CHD9: variants seen among roughly 807,000 people sequenced by gnomAD.
The protein encoded by CHD9 is chromodomain helicase DNA binding protein 9, also known as ATP-dependent chromatin remodeler CHD9.
A neutral mutation model predicts 316.1 loss-of-function variants in CHD9; 77 were observed. The ratio of observed to expected loss-of-function variants is 0.24; its 90% confidence interval spans 0.20 to 0.29. The LOEUF is 0.29. Ranked by LOEUF, CHD9 falls within the 10% of genes least tolerant of loss-of-function variation. The pLI, the probability that CHD9 is intolerant of heterozygous loss-of-function variation, is 1.00. For missense variants in CHD9, 2,763 were observed against 3,438.1 expected (o/e 0.80, Z 4.91); for synonymous variants, 1,129 against 1,158.3 (o/e 0.97, Z 0.51).
intron 2 of CHD9, among the ~76,000 whole-genome samples, chr16:53,202,489 T>C (rs1053808271): frequency 1.4e-4 from 21 of 152,122 alleles, no homozygotes; most frequent in African/African-American, 4.6e-4. Context: ...ACAGTTTCTT[T>C]GTTGAAGAAA....
chr16:53,259,008 C>T (rs988258834), intron 19 of CHD9, among the ~76,000 whole-genome samples: 6 of 152,070 alleles, frequency 3.9e-5, no homozygotes, highest in Non-Finnish European at 8.8e-5. Context: ...AGATGGATTT[C>T]GCAATTTAAA....
intron 2 of CHD9, among the ~76,000 whole-genome samples, chr16:53,166,722 A>G (rs781213253): frequency 3.3e-5 from 5 of 152,204 alleles, no homozygotes; most frequent in African/African-American, 4.8e-5. Context: ...GTTAGGAAGC[A>G]TGGACTGCAG....
intron 19 of CHD9, among the ~76,000 whole-genome samples, chr16:53,259,176 G>A (rs537548050): frequency 1.3e-5 from 2 of 152,254 alleles, no homozygotes; most frequent in South Asian, 2.1e-4. Context: ...TGAGAATCAT[G>A]TAAGCTATCT....
chr16:53,184,881 T>G (rs2043851190), intron 2 of CHD9, among the ~76,000 whole-genome samples: 2 of 152,146 alleles, frequency 1.3e-5, no homozygotes, highest in African/African-American at 4.8e-5. Context: ...GCTTCCCCCT[T>G]TGCTTGGCTG....
intron 1 of CHD9, among the ~76,000 whole-genome samples, chr16:53,134,553 C>T (rs1013933684): frequency 6.6e-6 from 1 of 152,124 alleles, no homozygotes; most frequent in Non-Finnish European, 1.5e-5. Flanking sequence ...GTATCTTGTC[C>T]TTGTAGCCCT....
intron 1 of CHD9, among the ~76,000 whole-genome samples, chr16:53,081,593 C>CT (rs932986508): frequency 1.3e-5 from 2 of 152,128 alleles, no homozygotes; most frequent in African/African-American, 4.8e-5. Context: ...AGCAGGTGCT[C>CT]TTTTTTCCCC....
chr16:53,287,438 G>A (rs910705772), intron 26 of CHD9, among the ~76,000 whole-genome samples: 2 of 152,190 alleles, frequency 1.3e-5, no homozygotes, highest in African/African-American at 4.8e-5. Flanking sequence ...ATTTAAAAGC[G>A]AACTCGCGGC....
Position 53,274,302 on chromosome 16 carries a change from G to C in CHD9, c.4967G>C (p.Ser1656Thr), listed in dbSNP as rs1336077070. 2 of 1,558,022 alleles carry C rather than the reference G, an allele frequency of 1.3e-6. No homozygotes were observed. Among genetic ancestry groups the C allele is most frequent in the Non-Finnish European group, 1.7e-6 (2 of 1,148,302 alleles). ...CQKVFDGVDA[S>T]DIDVWVPEPD... Reference sequence around the variant, plus strand: ...AAAGTATTTGATGGAGTTGATGCAAGGTAAGTTAAACAATTTTTATTATTT... The same window carrying C: ...AAAGTATTTGATGGAGTTGATGCAACGTAAGTTAAACAATTTTTATTATTT... The change falls in exon 24 of 39, where the codon AGT (serine) becomes ACT (threonine). Residue 1656 changes from serine to threonine, a missense_variant and splice_region_variant. By Grantham distance (58) the Ser-to-Thr change is moderately conservative. This residue lies in a region of CHD9 where 40 missense variants were observed against 39.5 expected (regional missense o/e 1.01). Coordinates refer to ENST00000447540, the MANE Select transcript of CHD9 (RefSeq NM_001308319.2).
Position 53,219,203 on chromosome 16 carries a change from C to T in CHD9, c.1785-3441C>T, listed in dbSNP as rs373944743. On this transcript the variant is annotated intron_variant, in intron 3 of 38. Coordinates refer to ENST00000447540, the MANE Select transcript of CHD9 (RefSeq NM_001308319.2). ...TAGTAAACTTGCACTGATAGGGTTA[C>T]GGAAAATGAGAGATTGGATTGGGTG... Among the ~76,000 whole-genome samples, 63 of 152,030 alleles carry T rather than the reference C, an allele frequency of 4.1e-4. 1 individual carries two copies. In the South Asian group the frequency reaches 0.012, roughly 30 times the overall value.
chr16:53,213,689 G>A (rs748048218), intron 3 of CHD9, among the ~76,000 whole-genome samples: 2 of 152,082 alleles, frequency 1.3e-5, no homozygotes, highest in Non-Finnish European at 1.5e-5. Context: ...TTAGATTATC[G>A]AATGGGATTT....
intron 2 of CHD9, chr16:53,169,048 C>T (rs1819567123): frequency 6.6e-6 from 1 of 152,148 alleles, no homozygotes; most frequent in South Asian, 2.1e-4. Flanking sequence ...CCTGTCTCTA[C>T]TAAAAATACA....
At chr16:53,072,203 G>A (rs2034126757) in intron 1 of CHD9, among the ~76,000 whole-genome samples, 4 of 152,004 alleles carry the variant, frequency 2.6e-5, no homozygotes, top group East Asian at 1.9e-4. Context: ...CCAACTTCCC[G>A]GCCACTTGTT....
rs2057472174 is a variant in CHD9 at position 53,324,651 on chromosome 16, C to T, written c.8450C>T (p.Pro2817Leu). The part of the protein sequence containing the change: ...LLTPGLNLHI[P>L]TLSQSNTFDV... Reference sequence around the variant, plus strand: ...ACTCCAGGCCTTAATCTTCATATTCCAACTTTGTCCCAGTCCAATACTTTT... The same window carrying T: ...ACTCCAGGCCTTAATCTTCATATTCTAACTTTGTCCCAGTCCAATACTTTT... The change falls in exon 39 of 39, where the codon CCA (proline) becomes CTA (leucine). Residue 2817 changes from proline (P) to leucine (L), a missense_variant. Pro to Leu is a moderately conservative substitution (Grantham distance 98). Coordinates refer to ENST00000447540, the MANE Select transcript of CHD9 (RefSeq NM_001308319.2). 1.2e-6 allele frequency: 2 copies of T among 1,613,614 alleles called. No homozygotes were observed. Among genetic ancestry groups the T allele is most frequent in the East Asian group, 2.2e-5 (1 of 44,886 alleles).
intron 1 of CHD9, among the ~76,000 whole-genome samples, chr16:53,108,346 AC>A (rs1288969878): frequency 7.7e-6 from 1 of 129,912 alleles, no homozygotes; most frequent in Non-Finnish European, 1.8e-5. Context: ...TACAAAAAAT[AC>A]AAAAAAATTT....
At chr16:53,151,938 G>A (rs2041153173) in intron 1 of CHD9, among the ~76,000 whole-genome samples, 1 of 151,650 alleles carries the variant, frequency 6.6e-6, no homozygotes, top group African/African-American at 2.4e-5. Flanking sequence ...CTTTGGATGG[G>A]CTTTCTTATT....
chr16:53,237,989 CATGTTTT>C (rs2152939658), intron 11 of CHD9, among the ~76,000 whole-genome samples: 1 of 152,200 alleles, frequency 6.6e-6, no homozygotes, highest in African/African-American at 2.4e-5. Flanking sequence ...AGGCAGAGAA[CATGTTTT>C]ATTTCTTTTG....
intron 3 of CHD9, among the ~76,000 whole-genome samples, chr16:53,210,835 T>C (rs2046275428): frequency 6.6e-6 from 1 of 152,234 alleles, no homozygotes; most frequent in South Asian, 2.1e-4. Context: ...TTGGTCCTTA[T>C]GTCATTCAGG....
rs1273835993 is a variant in CHD9, at chr16:53,238,397, T to A, written c.2688T>A (p.Ile896=). 1 of 1,612,848 alleles carries A rather than the reference T, an allele frequency of 6.2e-7. No individual in the cohort carries two copies. Among genetic ancestry groups the A allele is most frequent in the Non-Finnish European group, 8.5e-7 (1 of 1,179,200 alleles). Residue 896 remains isoleucine, a synonymous_variant, in exon 12 of 39, where the codon ATT becomes ATA. Transcript: ENST00000447540. ...GTCTTGGCAAAACTATTCAATCAATTACATTCCTCTATGAAATCCTTCTGA... is the reference window on the plus strand; with the variant it reads ...GTCTTGGCAAAACTATTCAATCAATAACATTCCTCTATGAAATCCTTCTGA... ...EMGLGKTIQS[I]TFLYEILLTG...
intron 1 of CHD9, among the ~76,000 whole-genome samples, chr16:53,115,570 C>G (rs2038228892): frequency 6.6e-6 from 1 of 152,230 alleles, no homozygotes; most frequent in Non-Finnish European, 1.5e-5. Flanking sequence ...ATAAAGGCTT[C>G]CAGTGTCCTG....
Sources: gnomAD v4.1 joint callset for allele counts (sites outside exome capture counted in the v4.1 genomes callset) on GRCh38, gnomAD v4.1.1 for gene constraint, gnomAD v4.1.1 regional missense constraint, MANE v1.5 for transcripts, NCBI Gene and HGNC (gene_info 2026-07-23, HGNC 2026-07-21) for gene names.